The following TMEM87B variants were observed in gnomAD, a reference collection of about 807,000 sequenced individuals.
TMEM87B encodes the protein transmembrane protein 87B.
Under a neutral mutation model 80.3 loss-of-function variants are expected in TMEM87B, and 83 were observed. The observed-to-expected ratio is 1.03, with a 90% CI of 0.87 to 1.24. The LOEUF is 1.24. TMEM87B is among the 50% of genes most tolerant of loss of function. TMEM87B has a pLI of 0.00. For missense variants in TMEM87B, 625 were observed against 674.4 expected (o/e 0.93, Z 0.81); for synonymous variants, 219 against 230.5 (o/e 0.95, Z 0.45).
chr2:112,072,763 C>T (rs1377458423), intron 4 of TMEM87B, among the ~76,000 whole-genome samples: 1 of 152,010 alleles, frequency 6.6e-6, no homozygotes, highest in Non-Finnish European at 1.5e-5. Context: ...TCTCGGTCCC[C>T]TTTAGTTCAG....
chr2:112,062,865 T>G (rs1436610888), intron 2 of TMEM87B, among the ~76,000 whole-genome samples: 1 of 152,162 alleles, frequency 6.6e-6, no homozygotes, highest in Admixed American at 6.5e-5. Flanking sequence ...TAGTGGAAAC[T>G]CAAACAGTTC....
At chr2:112,065,678 T>A (rs1160840626) in intron 3 of TMEM87B, among the ~76,000 whole-genome samples, 1 of 147,798 alleles carries the variant, frequency 6.8e-6, no homozygotes, top group Admixed American at 6.7e-5. Context: ...TTCACCAGTG[T>A]CCCAATATTG....
chr2:112,070,678 G>T (rs925956649), intron 4 of TMEM87B, among the ~76,000 whole-genome samples: 3 of 152,046 alleles, frequency 2.0e-5, no homozygotes, highest in Non-Finnish European at 2.9e-5. Context: ...GGTTCCATAT[G>T]AATTTTAAAA....
intron 4 of TMEM87B, among the ~76,000 whole-genome samples, chr2:112,070,652 A>G (rs1271170180): frequency 6.6e-6 from 1 of 152,100 alleles, no homozygotes. Context: ...TGCCTTGGCT[A>G]TTCGGGCTCT....
At position 112,055,619 on chromosome 2, in the gene TMEM87B, G is replaced by C; in HGVS notation, c.28G>C (p.Gly10Arg). Reference sequence around the variant, plus strand: ...GGTCGCCGCCTGCCGCTCGGTAGCCGGGCTCCTGCCACGCCGCCGCCGCTG... The same window carrying C: ...GGTCGCCGCCTGCCGCTCGGTAGCCCGGCTCCTGCCACGCCGCCGCCGCTG... Reference protein sequence around the residue: MVAACRSVAGLLPRRRRCFP... With the variant: MVAACRSVARLLPRRRRCFP... The change falls in exon 1 of 19, where the codon GGG (glycine) becomes CGG (arginine). Residue 10 changes from glycine to arginine, a missense_variant. By Grantham distance (125) the Gly-to-Arg change is moderately radical. Coordinates refer to ENST00000283206, the MANE Select transcript of TMEM87B (RefSeq NM_032824.3). 6 of 1,539,542 alleles carry C rather than the reference G, an allele frequency of 3.9e-6. No individual in the cohort carries two copies. The highest frequency in any genetic ancestry group is 5.2e-6 in the Non-Finnish European group (6 of 1,145,088).
intron 1 of TMEM87B, among the ~76,000 whole-genome samples, chr2:112,056,969 C>A (rs754294365): frequency 6.6e-6 from 1 of 152,210 alleles, no homozygotes; most frequent in African/African-American, 2.4e-5. Context: ...GAATCAGTTG[C>A]ATGCATATTG....
chr2:112,061,504 A>G (rs551209654), intron 2 of TMEM87B, among the ~76,000 whole-genome samples: 10 of 152,286 alleles, frequency 6.6e-5, no homozygotes, highest in Non-Finnish European at 7.4e-5. Context: ...AATATCAATC[A>G]TCAGTTGTGA....
In TMEM87B at chr2:112,097,307, C is replaced by T; in HGVS notation, c.1272+16C>T. ...ATGCCAATCAGTAAGTATAACCTTCCTATTTAAACAGTTATTTTTATTTAT... is the reference window on the plus strand; with the variant it reads ...ATGCCAATCAGTAAGTATAACCTTCTTATTTAAACAGTTATTTTTATTTAT... On this transcript the variant is annotated intron_variant, in intron 13 of 18. Coordinates refer to ENST00000283206, the MANE Select transcript of TMEM87B (RefSeq NM_032824.3). 1 of 1,567,230 alleles carries T rather than the reference C, an allele frequency of 6.4e-7. No homozygotes were observed. The highest frequency in any genetic ancestry group is 1.4e-5 in the African/African-American group (1 of 72,148).
chr2:112,057,665 A>G (rs562064840), intron 1 of TMEM87B, among the ~76,000 whole-genome samples: 1 of 152,310 alleles, frequency 6.6e-6, no homozygotes, highest in South Asian at 2.1e-4. Context: ...TGTTGCAAAG[A>G]TGAATTTTAG....
At chr2:112,076,016 A>G (rs1678800929) in intron 5 of TMEM87B, among the ~76,000 whole-genome samples, 1 of 152,204 alleles carries the variant, frequency 6.6e-6, no homozygotes. Context: ...AGAAATTTGA[A>G]TCATTTAGCT....
At position 112,063,051 on chromosome 2, in the gene TMEM87B, A is replaced by G. The variant is rs370368547; in HGVS notation, c.227-1111A>G. On this transcript the variant is annotated intron_variant, in intron 2 of 18. Transcript: ENST00000283206. ...ACCAGCCTCAGTTTGTTGAACTTGA[A>G]TCTCTGGTCTCAGTTTGGTTTCGCT... Among the ~76,000 whole-genome samples, 37 of 152,248 alleles carry G rather than the reference A, an allele frequency of 2.4e-4. No homozygotes were observed. The Middle Eastern group carries it at 0.024, about 99-fold the overall frequency.
At chr2:112,077,514 A>G (rs1237061883) in intron 6 of TMEM87B, among the ~76,000 whole-genome samples, 4 of 152,200 alleles carry the variant, frequency 2.6e-5, no homozygotes, top group Non-Finnish European at 4.4e-5. Context: ...TTAAAATTTC[A>G]AACTTCATAG....
intron 9 of TMEM87B, among the ~76,000 whole-genome samples, chr2:112,087,416 ACT>A (rs66639088): frequency 0.022 from 3,248 of 149,894 alleles, 35 homozygotes; most frequent in African/African-American, 0.029. Context: ...TTTCTCTCAG[ACT>A]CTACCCTGAC....
At chr2:112,070,921 A>C (rs775776708) in intron 4 of TMEM87B, among the ~76,000 whole-genome samples, 2 of 151,072 alleles carry the variant, frequency 1.3e-5, no homozygotes, top group Non-Finnish European at 2.9e-5. Flanking sequence ...TCCCGGGTTC[A>C]TGCCATTCTC....
At position 112,089,648 on chromosome 2, in the gene TMEM87B, A is replaced by T; in HGVS notation, c.962A>T (p.His321Leu). Reference sequence around the variant, plus strand: ...AGGCCTCGTTTAGGAACAGTCATGCACCGGGTGATCGGACTGGGGCTTCTA... The same window carrying T: ...AGGCCTCGTTTAGGAACAGTCATGCTCCGGGTGATCGGACTGGGGCTTCTA... ...IVKPRLGTVM[H>L]RVIGLGLLYL... Residue 321 changes from histidine (H) to leucine (L), a missense_variant, in exon 10 of 19, where the codon CAC becomes CTC. By Grantham distance (99) the His-to-Leu change is moderately conservative. Coordinates refer to ENST00000283206, the MANE Select transcript of TMEM87B (RefSeq NM_032824.3). The T allele has an allele frequency of 6.2e-7, 1 of 1,614,080 alleles. No individual in the cohort carries two copies. Among genetic ancestry groups the T allele is most frequent in the Admixed American group, 1.7e-5 (1 of 60,028 alleles).
At chr2:112,096,329 C>A (rs1345152830) in intron 11 of TMEM87B, among the ~76,000 whole-genome samples, 1 of 152,114 alleles carries the variant, frequency 6.6e-6, no homozygotes, top group Non-Finnish European at 1.5e-5. Flanking sequence ...AAAGACATTC[C>A]CTCATCGGTG....
chr2:112,096,660 A>C (rs1254238191), intron 11 of TMEM87B, among the ~76,000 whole-genome samples: 3 of 152,262 alleles, frequency 2.0e-5, no homozygotes, highest in Non-Finnish European at 4.4e-5. Flanking sequence ...TAAGATAGAA[A>C]TAGGGCCAGA....
At chr2:112,098,466 C>A in intron 13 of TMEM87B, 129 bp from the exon 14 acceptor site, 1 of 781,370 alleles carries the variant, frequency 1.3e-6, no homozygotes, top group Non-Finnish European at 2.1e-6. Context: ...AAAATATGTG[C>A]TTGTTTATTT....
intron 13 of TMEM87B, among the ~76,000 whole-genome samples, chr2:112,097,576 ATTAGCGG>A (rs1433159799): frequency 1.3e-5 from 2 of 151,816 alleles, no homozygotes; most frequent in Non-Finnish European, 2.9e-5. Flanking sequence ...AATACAAAAA[ATTAGCGG>A]GTGCCTGTAG....
Sources: gnomAD v4.1 joint callset for allele counts (sites outside exome capture counted in the v4.1 genomes callset) on GRCh38, gnomAD v4.1.1 for gene constraint, MANE v1.5 for transcripts, NCBI Gene and HGNC (gene_info 2026-07-23, HGNC 2026-07-21) for gene names.